TRPC4AP: variants seen among roughly 807,000 people sequenced by gnomAD.
The protein encoded by TRPC4AP is transient receptor potential cation channel subfamily C member 4 associated protein, also known as short transient receptor potential channel 4-associated protein.
Under a neutral mutation model 99.0 loss-of-function variants are expected in TRPC4AP, and 45 were observed. That is an observed-to-expected ratio of 0.45 (90% CI 0.36 to 0.58). The LOEUF (loss-of-function observed/expected upper bound fraction) is 0.58. Ranked by LOEUF, TRPC4AP falls within the 20% of genes least tolerant of loss-of-function variation. The probability of loss-of-function intolerance (pLI) is 0.00; values close to 1 mark genes in which losing one functional copy is unlikely to be tolerated. For synonymous variants in TRPC4AP, 408 were observed against 385.8 expected, an observed-to-expected ratio of 1.06 and a Z score of -0.67; for missense variants, 879 against 985.3, an observed-to-expected ratio of 0.89 and a Z score of 1.44.
chr20:35,090,101 CAA>C (rs11478429), intron 1 of TRPC4AP, among the ~76,000 whole-genome samples: 66 of 131,688 alleles, frequency 5.0e-4, no homozygotes, highest in African/African-American at 7.5e-4. Context: ...GATTCTGTCT[CAA>C]AAAAAAAAAA....
At chr20:35,048,053 T>C (rs1184784688) in intron 6 of TRPC4AP, among the ~76,000 whole-genome samples, 1 of 152,176 alleles carries the variant, frequency 6.6e-6, no homozygotes, top group African/African-American at 2.4e-5. Context: ...TCCCTCACTA[T>C]GGTATTGATT....
chr20:35,010,560 C>A (rs2082611638), intron 11 of TRPC4AP, among the ~76,000 whole-genome samples: 2 of 150,906 alleles, frequency 1.3e-5, no homozygotes, highest in Non-Finnish European at 3.0e-5. Context: ...CAGCTCTGGG[C>A]CTTTCTCTTT....
intron 6 of TRPC4AP, among the ~76,000 whole-genome samples, chr20:35,046,359 C>T (rs113405986): frequency 8.5e-4 from 129 of 152,282 alleles, no homozygotes; most frequent in Non-Finnish European, 1.6e-3. Flanking sequence ...TCATTTTGAA[C>T]CATCCCCGTG....
intron 7 of TRPC4AP, among the ~76,000 whole-genome samples, chr20:35,039,297 C>T (rs973609539): frequency 7.2e-5 from 11 of 152,186 alleles, no homozygotes; most frequent in African/African-American, 2.2e-4. Context: ...ACTCAGGGTT[C>T]TAAGTCTGAC....
In TRPC4AP at chr20:35,014,314, A is replaced by ATTTTTT. The variant is rs66518839; in HGVS notation, c.1351-1254_1351-1249dup. Among the ~76,000 whole-genome samples, 56 of 113,156 alleles carry ATTTTTT rather than the reference A, an allele frequency of 4.9e-4. 1 individual carries two copies. The highest frequency in any genetic ancestry group is 1.3e-3 in the African/African-American group (37 of 27,846). 74.2% of individuals were successfully genotyped at this position (113,156 alleles called of 152,430 possible). The stretch of plus-strand genomic sequence containing the variant: ...AAGTGGCTAGAGGGCCTCAGGCAGA[A>ATTTTTT]TTTTTTTTTTTTTTTTTTTTTGAGA... On this transcript the variant is annotated intron_variant, in intron 10 of 18. Coordinates refer to ENST00000252015, the MANE Select transcript of TRPC4AP (RefSeq NM_015638.3).
chr20:35,031,389 A>AC (rs1242208973), intron 8 of TRPC4AP, among the ~76,000 whole-genome samples: 4 of 85,564 alleles, frequency 4.7e-5, no homozygotes, highest in Admixed American at 1.2e-4. Context: ...CCCCTGGTTA[A>AC]CTTTTTTTTT....
rs117729108 is a variant in TRPC4AP, at chr20:35,003,210, G to A, written c.2330C>T (p.Ser777Phe). ...ILLNPDRQSP[S>F]ALVSYIEEPY... Reference sequence around the variant, plus strand: ...CTCCTCAATGTAGCTAACGAGAGCAGAGGGTGACTGCCGGTCCGGGTTCAA... The same window carrying A: ...CTCCTCAATGTAGCTAACGAGAGCAAAGGGTGACTGCCGGTCCGGGTTCAA... The change falls in exon 19 of 19, where the codon TCT (serine) becomes TTT (phenylalanine). Residue 777 changes from serine to phenylalanine, a missense_variant. Physicochemically the swap from Ser to Phe is radical, Grantham distance 155 (BLOSUM62 -2). Coordinates refer to ENST00000252015, the MANE Select transcript of TRPC4AP (RefSeq NM_015638.3). 19 of 1,614,138 alleles carry A rather than the reference G, an allele frequency of 1.2e-5. No homozygotes were observed. The highest frequency in any genetic ancestry group is 1.6e-4 in the Middle Eastern group (1 of 6,084).
Position 35,021,323 on chromosome 20 carries a change from T to C in TRPC4AP, c.1085A>G (p.Glu362Gly). The C allele has an allele frequency of 6.2e-7, 1 of 1,614,060 alleles. No individual in the cohort carries two copies. The highest frequency in any genetic ancestry group is 8.5e-7 in the Non-Finnish European group (1 of 1,180,008). Residue 362 changes from glutamate to glycine, a missense_variant, in exon 9 of 19, where the codon GAG becomes GGG. Transcript: ENST00000252015. ...TGACGTGTGAGGCAGGCCATTCTCC[T>C]CAGAAGCCCCTGGAGGAGGGAACAC... is the stretch of plus-strand genomic sequence containing the variant. ...SIVFPPPGAS[E>G]ENGLPHTSAR...
At chr20:35,090,347 G>A (rs972527628) in intron 1 of TRPC4AP, among the ~76,000 whole-genome samples, 2 of 140,934 alleles carry the variant, frequency 1.4e-5, no homozygotes, top group African/African-American at 5.2e-5. Context: ...TGTGGCTCCA[G>A]AATATTCCAG....
chr20:35,048,942 A>G (rs1016771887), intron 6 of TRPC4AP, among the ~76,000 whole-genome samples: 14 of 152,248 alleles, frequency 9.2e-5, no homozygotes, highest in Admixed American at 6.5e-4. Context: ...GTGCTGGGCA[A>G]TGACAAGCAA....
chr20:35,019,967 G>T (rs978162904), intron 9 of TRPC4AP, among the ~76,000 whole-genome samples: 2 of 152,018 alleles, frequency 1.3e-5, no homozygotes, highest in Non-Finnish European at 2.9e-5. Context: ...TCCTCCCTAA[G>T]CCTGCTCCTC....
chr20:35,091,762 T>C (rs2085074151), intron 1 of TRPC4AP, among the ~76,000 whole-genome samples: 1 of 152,184 alleles, frequency 6.6e-6, no homozygotes, highest in Non-Finnish European at 1.5e-5. Flanking sequence ...TGCTTAATAT[T>C]AACTACCTTC....
rs2083791936 is a variant in TRPC4AP at position 35,055,005 on chromosome 20, A to T, written c.499T>A (p.Leu167Met). ...ACACAGGTATTATACAGGATACTCA[A>T]GCAGTCCTTGGACATTTCATCACTT... is the stretch of plus-strand genomic sequence containing the variant. ...KISDEMSKDC[L>M]SILYNTCVCT... is the part of the protein sequence containing the mutation. The change falls in exon 5 of 19, where the codon TTG (leucine) becomes ATG (methionine). Residue 167 changes from leucine (L) to methionine (M), a missense_variant. Physicochemically the swap from Leu to Met is conservative, Grantham distance 15. Transcript: ENST00000252015. The T allele has an allele frequency of 6.2e-7, 1 of 1,613,878 alleles. No homozygotes were observed. The highest frequency in any genetic ancestry group is 1.7e-5 in the Admixed American group (1 of 59,998).
intron 3 of TRPC4AP, among the ~76,000 whole-genome samples, chr20:35,058,923 A>C (rs775003860): frequency 1.3e-5 from 2 of 152,070 alleles, no homozygotes; most frequent in Non-Finnish European, 2.9e-5. Flanking sequence ...TCCTGACCTC[A>C]GGTGATCTGC....
At chr20:35,033,034 T>C (rs1307298030) in intron 8 of TRPC4AP, among the ~76,000 whole-genome samples, 1 of 151,938 alleles carries the variant, frequency 6.6e-6, no homozygotes, top group Non-Finnish European at 1.5e-5. Context: ...CTTTCTCTAC[T>C]AAAATACAAA....
chr20:35,063,364 A>G (rs1209194482), intron 3 of TRPC4AP, among the ~76,000 whole-genome samples: 38 of 152,200 alleles, frequency 2.5e-4, no homozygotes, highest in Non-Finnish European at 5.9e-5. Context: ...TATTATGGAC[A>G]TTATGGATAT....
At chr20:35,067,517 A>G (rs1344828118) in intron 3 of TRPC4AP, among the ~76,000 whole-genome samples, 2 of 152,180 alleles carry the variant, frequency 1.3e-5, no homozygotes, top group African/African-American at 4.8e-5. Flanking sequence ...ATTCCTAGGT[A>G]TGTATATGCC....
In TRPC4AP at chr20:35,075,571, T is replaced by C. The variant is rs577075212; in HGVS notation, c.297+2475A>G. On this transcript the variant is annotated intron_variant, in intron 2 of 18. Coordinates refer to ENST00000252015, the MANE Select transcript of TRPC4AP (RefSeq NM_015638.3). ...GGTTGAAAATTCTTTTCTTTAAGAA[T>C]GTTGAATATTGGCCCCCACTCTCTT... is the stretch of plus-strand genomic sequence containing the variant. 2.2e-3 allele frequency among the ~76,000 whole-genome samples: 335 copies of C among 152,370 alleles called. 1 individual carries two copies. The highest frequency in any genetic ancestry group is 7.5e-3 in the African/African-American group (310 of 41,592).
rs201340281 is a variant in TRPC4AP at position 35,003,202 on chromosome 20, C to T, written c.2338G>A (p.Val780Ile). ...NPDRQSPSAL[V>I]SYIEEPYMDI... is the part of the protein sequence containing the mutation. ...ATGTAGGGCTCCTCAATGTAGCTAA[C>T]GAGAGCAGAGGGTGACTGCCGGTCC... Residue 780 changes from valine to isoleucine, a missense_variant, in exon 19 of 19, where the codon GTT (valine) becomes ATT (isoleucine). This residue lies in a region of TRPC4AP where 224 missense variants were observed against 264.7 expected (regional missense o/e 0.85). Transcript: ENST00000252015. 5.6e-6 allele frequency: 9 copies of T among 1,614,240 alleles called. No homozygotes were observed. Among genetic ancestry groups the T allele is most frequent in the African/African-American group, 4.0e-5 (3 of 75,076 alleles).
Sources: gnomAD v4.1 joint callset for allele counts (sites outside exome capture counted in the v4.1 genomes callset) on GRCh38, gnomAD v4.1.1 for gene constraint, gnomAD v4.1.1 regional missense constraint, MANE v1.5 for transcripts, NCBI Gene and HGNC (gene_info 2026-07-23, HGNC 2026-07-21) for gene names.